The following EPB41L2 variants were observed in gnomAD, a reference collection of about 807,000 sequenced individuals.
EPB41L2 encodes the protein band 4.1-like protein 2.
In EPB41L2, 43 loss-of-function variants were observed where a neutral mutation model predicts 113.0. The observed-to-expected ratio is 0.38, with a 90% confidence interval of 0.30 to 0.49. The LOEUF is 0.49. Ranked by LOEUF, EPB41L2 falls within the 20% of genes least tolerant of loss-of-function variation. The pLI, the probability that EPB41L2 is intolerant of heterozygous loss-of-function variation, is 0.95. For synonymous variants in EPB41L2, 442 were observed against 436.7 expected, an observed-to-expected ratio of 1.01 and a Z score of -0.15; for missense variants, 1,147 against 1,223.4, an observed-to-expected ratio of 0.94 and a Z score of 0.93.
At chr6:130,892,403 C>CTTTGTTTTTTT (rs1793199594) in intron 10 of EPB41L2, among the ~76,000 whole-genome samples, 1 of 92,640 alleles carries the variant, frequency 1.1e-5, no homozygotes, top group African/African-American at 3.5e-5. Flanking sequence ...CAGATTATTG[C>CTTTGTTTTTTT]TTTTTTTTTT....
Position 130,951,303 on chromosome 6 carries a change from G to A in EPB41L2, c.705+3802C>T, listed in dbSNP as rs1216471780. Among the ~76,000 whole-genome samples, 16 of 125,116 alleles carry A rather than the reference G, an allele frequency of 1.3e-4. No individual in the cohort carries two copies. The East Asian group carries it at 3.8e-3, about 30-fold the overall frequency. The allele number at this position is 125,116 out of a possible 152,430, so 82.1% of individuals were successfully genotyped here. A position where few individuals can be genotyped will look rare whatever the true frequency, so the allele number is the denominator to read the frequency against. ...GAGGGGAGGAGAAAAAAGATGCTCAGCCTCAGTACTTTTTTTTTTTTTTTT... is the reference window on the plus strand; with the variant it reads ...GAGGGGAGGAGAAAAAAGATGCTCAACCTCAGTACTTTTTTTTTTTTTTTT... On this transcript the variant is annotated intron_variant, in intron 3 of 19. Coordinates refer to ENST00000337057, the MANE Select transcript of EPB41L2 (RefSeq NM_001431.4).
chr6:130,891,491 C>T (rs7773093), intron 10 of EPB41L2, among the ~76,000 whole-genome samples: 120,229 of 152,120 alleles, frequency 0.79, 48,383 homozygotes, highest in East Asian at 1. Flanking sequence ...CTCTGTCACC[C>T]AGGCTAGAGT....
intron 14 of EPB41L2, 31 bp from the exon 15 acceptor site, chr6:130,870,157 A>C (rs1785192248): frequency 6.4e-7 from 1 of 1,569,952 alleles, no homozygotes; most frequent in Non-Finnish European, 8.6e-7. Context: ...GAGGGAAAAC[A>C]AAAATATATG....
At chr6:130,908,987 C>T in intron 4 of EPB41L2, 124 bp from the exon 5 acceptor site, 1 of 688,396 alleles carries the variant, frequency 1.5e-6, no homozygotes, top group Non-Finnish European at 2.4e-6. Context: ...AAGCAACTTG[C>T]ACCTATCAGC....
chr6:130,906,350 A>T (rs1797720223), intron 5 of EPB41L2, among the ~76,000 whole-genome samples: 2 of 152,130 alleles, frequency 1.3e-5, no homozygotes, highest in South Asian at 4.2e-4. Flanking sequence ...AATGGTATAC[A>T]TTTTGGTACA....
chr6:130,972,323 CAAAAAA>C (rs56878009), intron 1 of EPB41L2, among the ~76,000 whole-genome samples: 8 of 76,618 alleles, frequency 1.0e-4, no homozygotes, highest in Admixed American at 1.6e-4. Flanking sequence ...GACTCCATCT[CAAAAAA>C]AAAAAAAAAA....
At chr6:130,844,428 T>G (rs1776382702) in intron 19 of EPB41L2, among the ~76,000 whole-genome samples, 1 of 151,842 alleles carries the variant, frequency 6.6e-6, no homozygotes, top group African/African-American at 2.4e-5. Flanking sequence ...AAAAATTAGC[T>G]GGGCATGGTG....
At chr6:130,840,849 A>G (rs1280395264) in intron 19 of EPB41L2, among the ~76,000 whole-genome samples, 1 of 152,212 alleles carries the variant, frequency 6.6e-6, no homozygotes, top group Non-Finnish European at 1.5e-5. Flanking sequence ...GTTCACTGCA[A>G]AAGAATTTAT....
At chr6:130,918,386 A>G (rs1245851843) in intron 4 of EPB41L2, among the ~76,000 whole-genome samples, 1 of 152,142 alleles carries the variant, frequency 6.6e-6, no homozygotes, top group Non-Finnish European at 1.5e-5. Flanking sequence ...TATTAACATC[A>G]AAAATTCAAG....
At chr6:131,031,669 A>G (rs1792182381) in intron 1 of EPB41L2, among the ~76,000 whole-genome samples, 1 of 152,220 alleles carries the variant, frequency 6.6e-6, no homozygotes, top group East Asian at 1.9e-4. Flanking sequence ...AACATTTACA[A>G]CCAAAAGAAA....
intron 14 of EPB41L2, chr6:130,876,919 C>T (rs1053132815): frequency 3.2e-6 from 1 of 313,536 alleles, no homozygotes; most frequent in African/African-American, 2.2e-5. Context: ...AAAACCTTGG[C>T]ATGGCATCAG....
intron 3 of EPB41L2, among the ~76,000 whole-genome samples, chr6:130,932,815 G>A (rs1275192325): frequency 1.3e-5 from 2 of 152,238 alleles, no homozygotes; most frequent in African/African-American, 4.8e-5. Flanking sequence ...TGATGGAACG[G>A]CTCAATGCCA....
At chr6:130,962,064 G>A (rs1309613529) in intron 1 of EPB41L2, among the ~76,000 whole-genome samples, 1 of 152,158 alleles carries the variant, frequency 6.6e-6, no homozygotes, top group East Asian at 1.9e-4. Context: ...ACAATCACGT[G>A]CTTGTATGTT....
intron 14 of EPB41L2, chr6:130,870,374 G>T (rs1248168419): frequency 2.8e-5 from 44 of 1,550,454 alleles, no homozygotes; most frequent in Non-Finnish European, 3.7e-5. Context: ...TGACTCGGGA[G>T]CACGTGTCTG....
intron 19 of EPB41L2, among the ~76,000 whole-genome samples, chr6:130,841,397 C>G (rs966707508): frequency 3.9e-5 from 6 of 152,038 alleles, no homozygotes; most frequent in Non-Finnish European, 5.9e-5. Context: ...AGGTTGGGAT[C>G]GTTTCTTCTT....
In EPB41L2 at chr6:130,959,685, A is replaced by C. The variant is rs568826118; in HGVS notation, c.-14-3186T>G. On this transcript the variant is annotated intron_variant, in intron 1 of 19. Transcript: ENST00000337057. ...AGAAAACCTTTTTTCCTTCTTTAAC[A>C]TACCATTTCCCATGTACTATTTAAG... Among the ~76,000 whole-genome samples the C allele has an allele frequency of 1.2e-4, 18 of 152,374 alleles. No individual in the cohort carries two copies. In the South Asian group the frequency reaches 3.7e-3, roughly 32 times the overall value.
chr6:131,036,354 T>C (rs1793307163), intron 1 of EPB41L2, among the ~76,000 whole-genome samples: 1 of 152,098 alleles, frequency 6.6e-6, no homozygotes. Context: ...ACCTCCACCA[T>C]AGGTAGAAAG....
chr6:130,965,189 G>A (rs75513209), intron 1 of EPB41L2, among the ~76,000 whole-genome samples: 3,083 of 152,226 alleles, frequency 0.02, 116 homozygotes, highest in African/African-American at 0.069. Context: ...CCAGGCACCA[G>A]TAATACAGAT....
At chr6:130,948,076 G>A (rs1178997768) in intron 3 of EPB41L2, among the ~76,000 whole-genome samples, 1 of 152,082 alleles carries the variant, frequency 6.6e-6, no homozygotes, top group East Asian at 1.9e-4. Context: ...CTGTTTTTAA[G>A]CTTATTTCAT....
Sources: gnomAD v4.1 joint callset for allele counts (sites outside exome capture counted in the v4.1 genomes callset) on GRCh38, gnomAD v4.1.1 for gene constraint, MANE v1.5 for transcripts, NCBI Gene and HGNC (gene_info 2026-07-23, HGNC 2026-07-21) for gene names.